Variants in CTXND2 observed in about 807,000 individuals in gnomAD.
The protein encoded by CTXND2 is cortexin domain containing 2.
chr1:150,896,457 C>G (rs1235414872), intron 1 of CTXND2, among the ~76,000 whole-genome samples: 1 of 152,174 alleles, frequency 6.6e-6, no homozygotes, highest in East Asian at 1.9e-4. Context: ...AAAGGAATCC[C>G]TCACTTAATT....
chr1:150,902,332 G>A (rs1362992910), intron 1 of CTXND2, among the ~76,000 whole-genome samples: 7 of 151,954 alleles, frequency 4.6e-5, no homozygotes, highest in Non-Finnish European at 8.8e-5. Context: ...GCATGAACCC[G>A]GGAGGCGGAG....
intron 1 of CTXND2, among the ~76,000 whole-genome samples, chr1:150,897,374 G>A (rs1245079692): frequency 6.6e-6 from 1 of 152,224 alleles, no homozygotes; most frequent in Non-Finnish European, 1.5e-5. Context: ...GCCCAGGCTG[G>A]AGTGCAGTGG....
At chr1:150,911,127 T>C (rs78600889) in intron 1 of CTXND2, among the ~76,000 whole-genome samples, 2 of 151,580 alleles carry the variant, frequency 1.3e-5, no homozygotes, top group Non-Finnish European at 2.9e-5. Flanking sequence ...TTTTTTTTTT[T>C]GGTCGAGACA....
At chr1:150,905,481 T>C (rs1384712862) in intron 1 of CTXND2, among the ~76,000 whole-genome samples, 6 of 151,534 alleles carry the variant, frequency 4.0e-5, no homozygotes. Context: ...CTGGGAGGAG[T>C]CCAGGGGGTG....
Position 150,893,270 on chromosome 1 carries a change from C to T in CTXND2, c.-74+5957C>T, listed in dbSNP as rs185162468. 5.0e-3 allele frequency among the ~76,000 whole-genome samples: 763 copies of T among 152,156 alleles called. 4 individuals are homozygous for T. Among genetic ancestry groups the T allele is most frequent in the Non-Finnish European group, 7.3e-3 (497 of 68,020 alleles). On this transcript the variant is annotated intron_variant, in intron 1 of 1. Transcript: ENST00000636087. ...CTTTAGACTCATCTGCGGGCAATGA[C>T]GTCTGTGAATAGTAAACTTTTGTTT...
intron 1 of CTXND2, among the ~76,000 whole-genome samples, chr1:150,889,511 T>C (rs1668819798): frequency 6.6e-6 from 1 of 152,068 alleles, no homozygotes. Context: ...TTCCTTCTTC[T>C]TCCCACTACA....
chr1:150,896,324 T>C (rs1182859618), intron 1 of CTXND2, among the ~76,000 whole-genome samples: 2 of 152,220 alleles, frequency 1.3e-5, no homozygotes, highest in Non-Finnish European at 1.5e-5. Context: ...GTAGTCTCAC[T>C]CTGGACTTTT....
chr1:150,900,225 T>C (rs147524236), intron 1 of CTXND2, among the ~76,000 whole-genome samples: 4,303 of 152,060 alleles, frequency 0.028, 223 homozygotes, highest in African/African-American at 0.098. Context: ...GTAGCTTCAC[T>C]CCTGAAGTCA....
chr1:150,907,866 C>T (rs890365140), intron 1 of CTXND2, among the ~76,000 whole-genome samples: 2 of 152,044 alleles, frequency 1.3e-5, no homozygotes, highest in African/African-American at 2.4e-5. Context: ...CCTGCCACCA[C>T]GCCCGGCTAA....
intron 1 of CTXND2, among the ~76,000 whole-genome samples, chr1:150,909,009 G>T (rs1045748162): frequency 6.6e-6 from 1 of 151,110 alleles, no homozygotes; most frequent in African/African-American, 2.5e-5. Flanking sequence ...GGAGGCCAAG[G>T]GGGGCAGATC....
intron 1 of CTXND2, chr1:150,903,962 A>G: frequency 1.5e-6 from 1 of 648,164 alleles, no homozygotes; most frequent in Admixed American, 1.8e-5. Flanking sequence ...CACCGTGGAA[A>G]AGGGAGGCAA....
intron 1 of CTXND2, among the ~76,000 whole-genome samples, chr1:150,889,565 C>A (rs1668820813): frequency 6.6e-6 from 1 of 152,026 alleles, no homozygotes; most frequent in Non-Finnish European, 1.5e-5. Context: ...CTTTCACAAT[C>A]TCACATCCAT....
chr1:150,909,612 G>A (rs1299867425), intron 1 of CTXND2, among the ~76,000 whole-genome samples: 1 of 151,958 alleles, frequency 6.6e-6, no homozygotes, highest in Non-Finnish European at 1.5e-5. Flanking sequence ...TTTGTTGCTC[G>A]TGATTTTGCT....
intron 1 of CTXND2, among the ~76,000 whole-genome samples, chr1:150,900,292 G>T (rs1416190816): frequency 6.6e-6 from 1 of 150,828 alleles, no homozygotes; most frequent in Non-Finnish European, 1.5e-5. Context: ...ACCTTTAAGA[G>T]CTGTAACACT....
At chr1:150,910,804 G>T (rs945714714) in intron 1 of CTXND2, among the ~76,000 whole-genome samples, 20 of 149,428 alleles carry the variant, frequency 1.3e-4, no homozygotes, top group Non-Finnish European at 2.7e-4. Flanking sequence ...GCTAATTTTT[G>T]TATTTTTTTT....
At chr1:150,905,895 C>A (rs587752468) in intron 1 of CTXND2, among the ~76,000 whole-genome samples, 12 of 151,528 alleles carry the variant, frequency 7.9e-5, no homozygotes, top group Admixed American at 7.9e-4. Flanking sequence ...GAGGCTGAGG[C>A]AGGAGAATGG....
At chr1:150,909,317 G>A (rs1279220955) in intron 1 of CTXND2, among the ~76,000 whole-genome samples, 1 of 151,734 alleles carries the variant, frequency 6.6e-6, no homozygotes, top group African/African-American at 2.4e-5. Flanking sequence ...GGAGGCTAAG[G>A]AGGGCAGATC....
intron 1 of CTXND2, among the ~76,000 whole-genome samples, chr1:150,900,987 C>G (rs978704215): frequency 6.6e-6 from 1 of 152,110 alleles, no homozygotes; most frequent in Non-Finnish European, 1.5e-5. Flanking sequence ...TGGCATGCAC[C>G]TGTAGTCCCA....
intron 1 of CTXND2, among the ~76,000 whole-genome samples, chr1:150,889,255 C>A (rs587611994): frequency 2.2e-4 from 33 of 151,856 alleles, no homozygotes; most frequent in African/African-American, 8.0e-4. Flanking sequence ...AAAAACTTAG[C>A]CGGGCGTGGC....
Sources: gnomAD v4.1 joint callset for allele counts (sites outside exome capture counted in the v4.1 genomes callset) on GRCh38, gnomAD v4.1.1 for gene constraint, MANE v1.5 for transcripts, NCBI Gene and HGNC (gene_info 2026-07-23, HGNC 2026-07-21) for gene names.